TBL1XR1: variants seen among roughly 807,000 people sequenced by gnomAD.
TBL1XR1 encodes F-box-like/WD repeat-containing protein TBL1XR1.
In TBL1XR1, 5 loss-of-function variants were observed where a neutral mutation model predicts 66.9. The ratio of observed to expected loss-of-function variants is 0.07; its 90% CI spans 0.04 to 0.16. The LOEUF (loss-of-function observed/expected upper bound fraction) is 0.16. Ranked by LOEUF, TBL1XR1 falls within the 10% of genes least tolerant of loss-of-function variation. The probability of loss-of-function intolerance (pLI) is 1.00; values close to 1 mark genes in which losing one functional copy is unlikely to be tolerated. For synonymous variants in TBL1XR1, 210 were observed against 206.0 expected, an observed-to-expected ratio of 1.02 and a Z score of -0.17; for missense variants, 238 against 623.2, an observed-to-expected ratio of 0.38 and a Z score of 6.58.
chr3:177,053,673 G>A (rs949976675), intron 4 of TBL1XR1, 100 bp downstream of exon 4: 2 of 1,207,682 alleles, frequency 1.7e-6, no homozygotes, highest in African/African-American at 3.0e-5. Flanking sequence ...TGTTAACCCT[G>A]TGAAGCTAAA....
intron 1 of TBL1XR1, among the ~76,000 whole-genome samples, chr3:177,135,338 CATATATATATATATAT>C (rs1177634107): frequency 7.6e-4 from 17 of 22,480 alleles, no homozygotes; most frequent in South Asian, 6.0e-3. Flanking sequence ...TGTGTGTATA[CATATATATATATATAT>C]ATATATATAT....
chr3:177,041,444 C>G (rs530057505), intron 10 of TBL1XR1, among the ~76,000 whole-genome samples: 5 of 152,316 alleles, frequency 3.3e-5, no homozygotes, highest in East Asian at 3.9e-4. Flanking sequence ...TTCCCTCCCC[C>G]CCATCCTGCT....
intron 1 of TBL1XR1, among the ~76,000 whole-genome samples, chr3:177,140,250 A>G (rs1056288768): frequency 6.6e-6 from 1 of 152,224 alleles, no homozygotes; most frequent in Non-Finnish European, 1.5e-5. Context: ...CAGTGAGCCA[A>G]GATGGAGCCA....
chr3:177,065,090 TA>T (rs1718983051), intron 2 of TBL1XR1, 68 bp from the exon 3 acceptor site: 1 of 1,023,876 alleles, frequency 9.8e-7, no homozygotes, highest in Non-Finnish European at 1.3e-6. Context: ...AACAATGTTG[TA>T]AAAACCATTT....
intron 1 of TBL1XR1, chr3:177,164,069 C>G (rs1453335953): frequency 6.6e-6 from 1 of 152,208 alleles, no homozygotes; most frequent in Non-Finnish European, 1.5e-5. Context: ...GAAAGCCCAG[C>G]AGATTATACG....
chr3:177,106,840 C>T (rs546282693), intron 1 of TBL1XR1, among the ~76,000 whole-genome samples: 1 of 152,034 alleles, frequency 6.6e-6, no homozygotes, highest in African/African-American at 2.4e-5. Context: ...CAGATTCTGC[C>T]GTCCTGTGTG....
At chr3:177,149,889 C>G (rs1184807260) in intron 1 of TBL1XR1, among the ~76,000 whole-genome samples, 1 of 152,152 alleles carries the variant, frequency 6.6e-6, no homozygotes, top group African/African-American at 2.4e-5. Flanking sequence ...ACCCTTAATC[C>G]TTTACATAAA....
intron 1 of TBL1XR1, among the ~76,000 whole-genome samples, chr3:177,155,009 A>G (rs757417297): frequency 1.3e-5 from 2 of 152,208 alleles, no homozygotes; most frequent in Non-Finnish European, 2.9e-5. Context: ...ACATATTCCT[A>G]AAGTAAACAA....
chr3:177,041,371 TC>T (rs1482393156), intron 10 of TBL1XR1, among the ~76,000 whole-genome samples: 1 of 152,112 alleles, frequency 6.6e-6, no homozygotes, highest in Admixed American at 6.6e-5. Flanking sequence ...AGGTGCAAGC[TC>T]CCCTCTGCAC....
intron 1 of TBL1XR1, among the ~76,000 whole-genome samples, chr3:177,106,879 T>C (rs1379192129): frequency 6.6e-6 from 1 of 151,664 alleles, no homozygotes; most frequent in Non-Finnish European, 1.5e-5. Flanking sequence ...CCAGGTACAT[T>C]ATGTCTTTTA....
intron 1 of TBL1XR1, among the ~76,000 whole-genome samples, chr3:177,182,199 C>T (rs1231980162): frequency 6.6e-6 from 1 of 152,000 alleles, no homozygotes; most frequent in African/African-American, 2.4e-5. Context: ...CCAGCCTGGG[C>T]AACATAGTGA....
chr3:177,057,661 T>G (rs1000680991), intron 3 of TBL1XR1, among the ~76,000 whole-genome samples: 1 of 152,204 alleles, frequency 6.6e-6, no homozygotes, highest in African/African-American at 2.4e-5. Context: ...GGACAGCTTT[T>G]GATTTATATA....
At chr3:177,170,164 T>C (rs1733290746) in intron 1 of TBL1XR1, among the ~76,000 whole-genome samples, 1 of 152,164 alleles carries the variant, frequency 6.6e-6, no homozygotes, top group African/African-American at 2.4e-5. Flanking sequence ...CAGGGTTATC[T>C]GATTACACTG....
At chr3:177,061,211 A>G (rs1280752492) in intron 3 of TBL1XR1, among the ~76,000 whole-genome samples, 1 of 152,236 alleles carries the variant, frequency 6.6e-6, no homozygotes, top group Non-Finnish European at 1.5e-5. Flanking sequence ...ATCACAATGT[A>G]AATCCCTTCT....
chr3:177,179,306 T>A (rs980732688), intron 1 of TBL1XR1, among the ~76,000 whole-genome samples: 1 of 152,104 alleles, frequency 6.6e-6, no homozygotes, highest in African/African-American at 2.4e-5. Flanking sequence ...CGACTATTGT[T>A]ACCTGATGCA....
At chr3:177,125,358 T>C (rs1727482759) in intron 1 of TBL1XR1, among the ~76,000 whole-genome samples, 1 of 152,054 alleles carries the variant, frequency 6.6e-6, no homozygotes, top group African/African-American at 2.4e-5. Flanking sequence ...GAGGTGCCAT[T>C]AGGATGGCAA....
chr3:177,102,255 T>C (rs1342937125), intron 1 of TBL1XR1, among the ~76,000 whole-genome samples: 3 of 152,212 alleles, frequency 2.0e-5, no homozygotes, highest in Non-Finnish European at 4.4e-5. Flanking sequence ...CAATAGTGAT[T>C]TAATAGTTGA....
chr3:177,150,624 T>C (rs1056495398), intron 1 of TBL1XR1, among the ~76,000 whole-genome samples: 1 of 152,256 alleles, frequency 6.6e-6, no homozygotes, highest in African/African-American at 2.4e-5. Context: ...TGTTGTAGAA[T>C]GTTTCTTACC....
intron 1 of TBL1XR1, among the ~76,000 whole-genome samples, chr3:177,135,381 ATG>A (rs55882504): frequency 0.049 from 1,036 of 21,278 alleles, 1 homozygote; most frequent in Middle Eastern, 0.12. Flanking sequence ...ATATATATAT[ATG>A]TATGTATTTT....
Sources: allele counts gnomAD v4.1 joint callset (sites outside exome capture counted in the v4.1 genomes callset), GRCh38; gene constraint gnomAD v4.1.1; transcripts MANE v1.5; gene names NCBI Gene and HGNC (gene_info 2026-07-23, HGNC 2026-07-21).